The following PMVK variants were observed in gnomAD, a reference collection of about 807,000 sequenced individuals.
PMVK encodes the protein testis tissue sperm-binding protein Li 95mP.
A neutral mutation model predicts 19.0 loss-of-function variants in PMVK; 10 were observed. That is an observed-to-expected ratio of 0.53 (90% CI 0.32 to 0.89). The LOEUF is 0.89. PMVK is among the 40% of genes least tolerant of loss of function. PMVK has a pLI of 0.03. For missense variants in PMVK, 222 were observed against 251.1 expected, an observed-to-expected ratio of 0.88 and a Z score of 0.78; for synonymous variants, 108 against 101.6, an observed-to-expected ratio of 1.06 and a Z score of -0.38.
chr1:154,926,582 CT>C, intron 3 of PMVK, 99 bp from the exon 4 acceptor site: 2 of 995,618 alleles, frequency 2.0e-6, no homozygotes, highest in Non-Finnish European at 1.5e-6. Context: ...GGGTGTGGCT[CT>C]ACCCCCCCAT....
At chr1:154,937,822 A>G (rs551954500), upstream of PMVK, 4 of 152,152 alleles carry the variant, frequency 2.6e-5, no homozygotes, top group Non-Finnish European at 4.4e-5. Flanking sequence ...AGACTTAAGG[A>G]GGTGGTTTTT....
chr1:154,934,290 C>T (rs982817477), intron 1 of PMVK, among the ~76,000 whole-genome samples: 11 of 152,164 alleles, frequency 7.2e-5, no homozygotes, highest in African/African-American at 1.2e-4. Flanking sequence ...TGAGCCACTG[C>T]GCCCAACGAT....
intron 1 of PMVK, among the ~76,000 whole-genome samples, chr1:154,934,681 A>G (rs1460630503): frequency 6.6e-6 from 1 of 152,172 alleles, no homozygotes; most frequent in Non-Finnish European, 1.5e-5. Context: ...GCTAGGTGCC[A>G]ATAATTATTC....
At chr1:154,929,255 C>T (rs1313936833) in intron 2 of PMVK, 79 bp from the exon 3 acceptor site, 1 of 1,334,508 alleles carries the variant, frequency 7.5e-7, no homozygotes, top group African/African-American at 1.4e-5. Flanking sequence ...AGAGCCATCC[C>T]TCACCCTCAC....
chr1:154,942,407 C>T, the PMVK span, among the ~76,000 whole-genome samples: 10 of 152,178 alleles, frequency 6.6e-5, no homozygotes, highest in African/African-American at 1.2e-4. Flanking sequence ...GGAGATCATC[C>T]GAAGACCTGG....
At chr1:154,928,600 C>T (rs1031693114) in intron 3 of PMVK, among the ~76,000 whole-genome samples, 4 of 151,828 alleles carry the variant, frequency 2.6e-5, no homozygotes, top group Admixed American at 1.3e-4. Flanking sequence ...GGTGAAAACC[C>T]GTCTCTACTA....
chr1:154,929,357 G>A (rs893904713), intron 2 of PMVK, among the ~76,000 whole-genome samples, 181 bp from the exon 3 acceptor site: 7 of 152,292 alleles, frequency 4.6e-5, no homozygotes, highest in South Asian at 2.1e-4. Context: ...AAGAAATCCC[G>A]ATCACTGGTA....
chr1:154,925,343 G>A, intron 4 of PMVK, 78 bp from the exon 5 acceptor site: 2 of 1,503,530 alleles, frequency 1.3e-6, no homozygotes, highest in South Asian at 1.1e-5. Flanking sequence ...AACCCCAACT[G>A]GAGTGGGCCC....
intron 1 of PMVK, among the ~76,000 whole-genome samples, chr1:154,935,979 A>G (rs961142444): frequency 5.9e-5 from 9 of 151,894 alleles, no homozygotes; most frequent in Non-Finnish European, 1.2e-4. Flanking sequence ...AGACATGACC[A>G]CCACACCCGG....
chr1:154,925,260 C>T lies in PMVK; in HGVS notation c.448G>A (p.Asp150Asn). 6.2e-7 allele frequency: 1 copy of T among 1,614,176 alleles called. No individual in the cohort carries two copies. Among genetic ancestry groups the T allele is most frequent in the Non-Finnish European group, 8.5e-7 (1 of 1,180,004 alleles). Residue 150 changes from aspartate (D) to asparagine (N), a missense_variant, in exon 5 of 5, where the codon GAC becomes AAC. Transcript: ENST00000368467. The part of the protein sequence containing the change: ...QRGWVFTPGV[D>N]DAESECGLDN... Reference sequence around the variant, plus strand: ...AGGCCACATTCTGACTCAGCATCGTCCACCCCTATGAAGGAAGCATGGTGA... The same window carrying T: ...AGGCCACATTCTGACTCAGCATCGTTCACCCCTATGAAGGAAGCATGGTGA...
chr1:154,929,203 C>T (rs759758551), intron 2 of PMVK, 27 bp from the exon 3 acceptor site: 10 of 1,612,060 alleles, frequency 6.2e-6, no homozygotes, highest in Non-Finnish European at 8.5e-6. Context: ...ATGTCTACGT[C>T]ACCGGCCTTT....
At chr1:154,926,951 C>T (rs1654182633) in intron 3 of PMVK, among the ~76,000 whole-genome samples, 1 of 152,286 alleles carries the variant, frequency 6.6e-6, no homozygotes, top group East Asian at 1.9e-4. Context: ...CCTGTTCCTC[C>T]CCACCTTCCC....
chr1:154,940,282 CAG>C (rs1447757324), upstream of PMVK, among the ~76,000 whole-genome samples: 3 of 152,350 alleles, frequency 2.0e-5, no homozygotes, highest in East Asian at 1.9e-4. Context: ...TGATTTTGAA[CAG>C]AGTCTCAGTG....
chr1:154,929,204 A>G, intron 2 of PMVK, 28 bp from the exon 3 acceptor site: 1 of 1,611,934 alleles, frequency 6.2e-7, no homozygotes, highest in South Asian at 1.1e-5. Flanking sequence ...TGTCTACGTC[A>G]CCGGCCTTTC....
chr1:154,941,401 T>C (rs1401301829), upstream of PMVK, among the ~76,000 whole-genome samples: 3 of 151,978 alleles, frequency 2.0e-5, no homozygotes, highest in African/African-American at 7.3e-5. Context: ...GGCAGCTGAG[T>C]TGGGGAGGGG....
intron 4 of PMVK, among the ~76,000 whole-genome samples, chr1:154,925,599 T>C (rs16836523): frequency 0.025 from 3,831 of 152,336 alleles, 168 homozygotes; most frequent in African/African-American, 0.089. Flanking sequence ...TGTCCTTTTC[T>C]ATCCCTAAAT....
intron 1 of PMVK, among the ~76,000 whole-genome samples, chr1:154,934,889 C>T (rs1409207276): frequency 2.0e-5 from 3 of 151,778 alleles, no homozygotes; most frequent in Non-Finnish European, 4.4e-5. Context: ...ATGGTGAAAC[C>T]TGTCTCTACT....
intron 2 of PMVK, among the ~76,000 whole-genome samples, chr1:154,931,995 A>G (rs1465820689): frequency 6.6e-6 from 1 of 152,042 alleles, no homozygotes; most frequent in Non-Finnish European, 1.5e-5. Flanking sequence ...GGCCTGTACT[A>G]AATTTCTAGG....
Position 154,929,029 on chromosome 1 carries a change from T to C in PMVK, c.307A>G (p.Ile103Val). The C allele has an allele frequency of 6.2e-7, 1 of 1,613,788 alleles. No homozygotes were observed. Among genetic ancestry groups the C allele is most frequent in the Non-Finnish European group, 8.5e-7 (1 of 1,179,708 alleles). The change falls in exon 3 of 5, where the codon ATC becomes GTC. Residue 103 changes from isoleucine (I) to valine (V), a missense_variant. Physicochemically the swap from Ile to Val is conservative, Grantham distance 29 (BLOSUM62 3). Transcript: ENST00000368467. The stretch of plus-strand genomic sequence containing the variant: ...CTGCCATGGAGCCCTCTTACCCAGA[T>C]GGGCTGGGAGATGCCCTCCACAATC... ...RKIVEGISQPIWLVSDTRRVS... is the reference protein window; with the variant it reads ...RKIVEGISQPVWLVSDTRRVS...
Sources: gnomAD v4.1 joint callset for allele counts (sites outside exome capture counted in the v4.1 genomes callset) on GRCh38, gnomAD v4.1.1 for gene constraint, MANE v1.5 for transcripts, NCBI Gene and HGNC (gene_info 2026-07-23, HGNC 2026-07-21) for gene names.